The following MYO16 variants were observed in gnomAD, a reference collection of about 807,000 sequenced individuals.
MYO16 encodes the protein myosin XVI.
A neutral mutation model predicts 205.3 loss-of-function variants in MYO16; 94 were observed. That is an observed-to-expected ratio of 0.46 (90% confidence interval 0.39 to 0.54). The LOEUF (loss-of-function observed/expected upper bound fraction) is 0.54, where lower values mean the gene tolerates loss of function less well. Ranked by LOEUF, MYO16 falls within the 20% of genes least tolerant of loss-of-function variation. The probability of loss-of-function intolerance (pLI) is 0.00; values close to 1 mark genes in which losing one functional copy is unlikely to be tolerated. For synonymous variants in MYO16, 988 were observed against 954.0 expected, an observed-to-expected ratio of 1.04 and a Z score of -0.66; for missense variants, 2,315 against 2,387.5, an observed-to-expected ratio of 0.97 and a Z score of 0.63.
chr13:108,703,347 T>C (rs2139524725), intron 2 of MYO16, among the ~76,000 whole-genome samples: 1 of 152,312 alleles, frequency 6.6e-6, no homozygotes, highest in South Asian at 2.1e-4. Context: ...TATATAGTGA[T>C]AAAGGAATTA....
chr13:109,070,421 A>G (rs1476955880), intron 27 of MYO16, among the ~76,000 whole-genome samples: 1 of 152,196 alleles, frequency 6.6e-6, no homozygotes, highest in Non-Finnish European at 1.5e-5. Context: ...ATAGTTTTAT[A>G]GTTGAGCTCT....
intron 7 of MYO16, among the ~76,000 whole-genome samples, chr13:108,808,840 C>A (rs73612435): frequency 0.013 from 2,041 of 152,154 alleles, 43 homozygotes; most frequent in African/African-American, 0.046. Flanking sequence ...ATGATACATG[C>A]CATGCGTCAG....
intron 4 of MYO16, among the ~76,000 whole-genome samples, chr13:108,765,000 A>G (rs754973161): frequency 1.3e-5 from 2 of 152,206 alleles, no homozygotes; most frequent in African/African-American, 2.4e-5. Context: ...AAATACCTAA[A>G]CATGTAAATA....
At chr13:108,969,468 A>T (rs950951928) in intron 20 of MYO16, among the ~76,000 whole-genome samples, 16 of 152,176 alleles carry the variant, frequency 1.1e-4, no homozygotes, top group Non-Finnish European at 4.4e-5. Flanking sequence ...ATGAACAGGG[A>T]TGCCATGGAT....
chr13:108,742,183 G>A (rs894203449), intron 4 of MYO16, among the ~76,000 whole-genome samples: 1 of 151,944 alleles, frequency 6.6e-6, no homozygotes, highest in African/African-American at 2.4e-5. Context: ...TAGTAGAGAC[G>A]GGTTTTCACC....
At chr13:108,995,950 G>A (rs1345023921) in intron 21 of MYO16, among the ~76,000 whole-genome samples, 4 of 152,188 alleles carry the variant, frequency 2.6e-5, no homozygotes, top group African/African-American at 9.6e-5. Flanking sequence ...TGGAGAGGAT[G>A]TGGAGAAATA....
At chr13:108,510,254 C>A in the MYO16 span, among the ~76,000 whole-genome samples, 3 of 151,748 alleles carry the variant, frequency 2.0e-5, no homozygotes, top group Admixed American at 6.6e-5. Context: ...GTAGCTGGGA[C>A]TACAGGTGCC....
intron 12 of MYO16, among the ~76,000 whole-genome samples, chr13:108,869,288 C>T (rs1878891270): frequency 6.6e-6 from 1 of 151,964 alleles, no homozygotes. Flanking sequence ...TGAAATTCCT[C>T]TCAGTGTATC....
intron 23 of MYO16, among the ~76,000 whole-genome samples, chr13:109,037,407 C>A (rs570507924): frequency 6.6e-6 from 1 of 152,126 alleles, no homozygotes; most frequent in South Asian, 2.1e-4. Flanking sequence ...TGAATTTCAC[C>A]TGAGACAATT....
At chr13:108,566,773 GGAAGGA>G in the MYO16 span, among the ~76,000 whole-genome samples, 1 of 144,824 alleles carries the variant, frequency 6.9e-6, no homozygotes, top group Non-Finnish European at 1.5e-5. Flanking sequence ...AAGGAAGGAA[GGAAGGA>G]AGGAAGGAAA....
In MYO16 at chr13:109,090,419, C is replaced by G. The variant is rs553062646; in HGVS notation, c.3336-10366C>G. The stretch of plus-strand genomic sequence containing the variant: ...AAGACTGGTGAGCTCTATGGCTGTG[C>G]GTCCACATGTCTGCTGACAGGCTCC... On this transcript the variant is annotated intron_variant, in intron 27 of 34. Coordinates refer to ENST00000457511, the MANE Select transcript of MYO16 (RefSeq NM_001198950.3). Among the ~76,000 whole-genome samples, 17 of 152,302 alleles carry G rather than the reference C, an allele frequency of 1.1e-4. 1 individual carries two copies. The highest frequency in any genetic ancestry group is 8.5e-4 in the Admixed American group (13 of 15,304).
intron 15 of MYO16, among the ~76,000 whole-genome samples, chr13:108,904,757 C>A (rs1355253016): frequency 2.0e-5 from 3 of 152,102 alleles, no homozygotes; most frequent in Non-Finnish European, 4.4e-5. Context: ...CTTCCAACAC[C>A]CACTCTCATC....
intron 7 of MYO16, among the ~76,000 whole-genome samples, chr13:108,816,699 A>C (rs1441744646): frequency 6.6e-6 from 1 of 152,176 alleles, no homozygotes; most frequent in Non-Finnish European, 1.5e-5. Flanking sequence ...GGTGCATAAA[A>C]GGTGTTTGTT....
chr13:109,063,432 A>G (rs749152535), intron 27 of MYO16, among the ~76,000 whole-genome samples: 1 of 152,182 alleles, frequency 6.6e-6, no homozygotes, highest in Non-Finnish European at 1.5e-5. Flanking sequence ...TGTGCAAATT[A>G]TGGTACATAA....
At chr13:109,061,938 G>C (rs1421130304) in intron 27 of MYO16, among the ~76,000 whole-genome samples, 1 of 151,992 alleles carries the variant, frequency 6.6e-6, no homozygotes, top group Non-Finnish European at 1.5e-5. Flanking sequence ...GAGTTCCTTA[G>C]ATCTGTGACA....
At chr13:108,551,005 C>T in the MYO16 span, among the ~76,000 whole-genome samples, 2 of 152,184 alleles carry the variant, frequency 1.3e-5, no homozygotes, top group Admixed American at 1.3e-4. Flanking sequence ...TTTATAGAAA[C>T]TTCTTCCTTT....
chr13:109,097,651 A>C (rs373616629), intron 27 of MYO16, among the ~76,000 whole-genome samples: 1 of 152,234 alleles, frequency 6.6e-6, no homozygotes, highest in African/African-American at 2.4e-5. Context: ...AAATCACTGA[A>C]GTCCATTTAG....
chr13:108,564,714 G>T, the MYO16 span, among the ~76,000 whole-genome samples: 1 of 152,136 alleles, frequency 6.6e-6, no homozygotes, highest in East Asian at 1.9e-4. Flanking sequence ...TATTACTCAA[G>T]AAATTTTTGC....
rs888768787 is a variant in MYO16, at chr13:108,764,123, G to A, written c.508-21512G>A. On this transcript the variant is annotated intron_variant, in intron 4 of 34. Transcript: ENST00000457511. ...GACACAAACTCTGAAATAAAGTTGC[G>A]AACTGCAGCCTCAGCACAAACATGA... 3.3e-5 allele frequency among the ~76,000 whole-genome samples: 5 copies of A among 152,068 alleles called. No individual in the cohort carries two copies. In the South Asian group the frequency reaches 1.0e-3, roughly 32 times the overall value.
Sources: allele counts gnomAD v4.1 joint callset (sites outside exome capture counted in the v4.1 genomes callset), GRCh38; gene constraint gnomAD v4.1.1; transcripts MANE v1.5; gene names NCBI Gene and HGNC (gene_info 2026-07-23, HGNC 2026-07-21).